Variants in EVC observed in about 807,000 individuals in gnomAD.
EVC encodes the protein EvC ciliary complex subunit 1, also known as evC complex member EVC.
In EVC, 116 loss-of-function variants were observed where a neutral mutation model predicts 118.9. The ratio of observed to expected loss-of-function variants is 0.98; its 90% CI spans 0.84 to 1.14. EVC has a LOEUF of 1.14. Ranked by LOEUF, EVC falls within the 50% of genes most tolerant of loss-of-function variation. EVC has a pLI of 0.00. For synonymous variants in EVC, 619 were observed against 534.7 expected, an observed-to-expected ratio of 1.16 and a Z score of -2.18; for missense variants, 1,401 against 1,246.4, an observed-to-expected ratio of 1.12 and a Z score of -1.87.
Position 5,731,671 on chromosome 4 carries a change from G to T in EVC, c.617+14G>T, listed in dbSNP as rs761982116. 3 of 1,609,644 alleles carry T rather than the reference G, an allele frequency of 1.9e-6. No individual in the cohort carries two copies. Among genetic ancestry groups the T allele is most frequent in the Non-Finnish European group, 1.7e-6 (2 of 1,177,184 alleles). ...GGCCTGCGAGAGGTAAGGAGAGCGG[G>T]CAATGGAGGATGAGGCTTCCAGTCC... On this transcript the variant is annotated intron_variant, in intron 4 of 20. Transcript: ENST00000264956. The surrounding 1 kb of genome is among the most constrained non-coding windows in gnomAD (Gnocchi z 5.6).
At chr4:5,715,782 C>T in intron 1 of EVC, among the ~76,000 whole-genome samples, 1 of 120,848 alleles carries the variant, frequency 8.3e-6, no homozygotes, top group Non-Finnish European at 1.6e-5. Flanking sequence ...CTTGCTCTGT[C>T]ACCCAGGCTG....
Position 5,810,958 on chromosome 4 carries a change from A to G in EVC, c.2900A>G (p.Lys967Arg), listed in dbSNP as rs753263392. 4 of 1,612,250 alleles carry G rather than the reference A, an allele frequency of 2.5e-6. No homozygotes were observed. Among genetic ancestry groups the G allele is most frequent in the Admixed American group, 1.7e-5 (1 of 59,954 alleles). The change falls in exon 21 of 21, where the codon AAA (lysine) becomes AGA (arginine). Residue 967 changes from lysine to arginine, a missense_variant. Physicochemically the swap from Lys to Arg is conservative, Grantham distance 26 (BLOSUM62 2). Coordinates refer to ENST00000264956, the MANE Select transcript of EVC (RefSeq NM_153717.3). ...CCTTTCTTCTCTGTTTTAAGCAGCA[A>G]AAGGCTGAGTCAGCAAGAAAGTGAA... ...GDQTSGSLSS[K>R]RLSQQESEAG...
chr4:5,745,525 G>C (rs1313710434), intron 7 of EVC, among the ~76,000 whole-genome samples, 184 bp downstream of exon 7: 1 of 152,212 alleles, frequency 6.6e-6, no homozygotes, highest in Non-Finnish European at 1.5e-5. Flanking sequence ...AAGCAGCAAA[G>C]ATTCACAAAG....
chr4:5,759,001 T>C (rs750241619), intron 11 of EVC, among the ~76,000 whole-genome samples: 28 of 152,202 alleles, frequency 1.8e-4, no homozygotes, highest in Non-Finnish European at 3.4e-4. Flanking sequence ...AAACTCCCTT[T>C]CTGGGGAGTC....
chr4:5,765,907 A>T (rs1732793847), intron 11 of EVC, among the ~76,000 whole-genome samples: 1 of 143,640 alleles, frequency 7.0e-6, no homozygotes. Context: ...ATTTACATTT[A>T]AAGTTAATAT....
intron 11 of EVC, among the ~76,000 whole-genome samples, chr4:5,781,878 A>G (rs889730416): frequency 6.6e-6 from 1 of 152,106 alleles, no homozygotes; most frequent in Non-Finnish European, 1.5e-5. Context: ...ATGAGATGCC[A>G]TTTATGGGTG....
At chr4:5,736,280 TACACAC>T (rs10556213) in intron 5 of EVC, among the ~76,000 whole-genome samples, 14 of 149,516 alleles carry the variant, frequency 9.4e-5, no homozygotes, top group Middle Eastern at 7.0e-3. Flanking sequence ...TGCATAGAAC[TACACAC>T]ACACACACAC....
intron 17 of EVC, among the ~76,000 whole-genome samples, chr4:5,807,048 T>C (rs1716032583): frequency 6.6e-6 from 1 of 152,084 alleles, no homozygotes; most frequent in Admixed American, 6.5e-5. Flanking sequence ...TCCTTTAAGG[T>C]GTGAGAGAGG....
chr4:5,801,918 C>T (rs1319858794), intron 15 of EVC, 32 bp from the exon 16 acceptor site: 1 of 1,609,902 alleles, frequency 6.2e-7, no homozygotes, highest in African/African-American at 1.3e-5. Context: ...TGTGACTTCT[C>T]TGCTGTCCCT....
chr4:5,821,940 C>G, the EVC span: 4 of 1,167,804 alleles, frequency 3.4e-6, no homozygotes, highest in South Asian at 4.4e-5. This position sits in a 1 kb window ranked among gnomAD's most constrained non-coding sequence, Gnocchi z 4.4. Context: ...GCCATGCACT[C>G]CACTGGACCC....
In EVC at chr4:5,719,257, ACTCAAAATCTGCTCAAGAATTTGGAGT is replaced by A. The variant is rs1560274018; in HGVS notation, c.187_213del (p.Gln63_Ser71del). 20 of 1,614,046 alleles carry A rather than the reference ACTCAAAATCTGCTCAAGAATTTGGAGT, an allele frequency of 1.2e-5. No homozygotes were observed. The Admixed American group carries it at 3.3e-4, about 27-fold the overall frequency. Reference sequence around the variant, plus strand: ...GACCTTCGGGTTTTAGAAAGACGACACTCAAAATCTGCTCAAGAATTTGGAGTCTAATGCGCAGACCCCCTCGGAAAC... The same window carrying A: ...GACCTTCGGGTTTTAGAAAGACGACACTAATGCGCAGACCCCCTCGGAAAC... On this transcript the variant is annotated inframe_deletion, in exon 2 of 21. Coordinates refer to ENST00000264956, the MANE Select transcript of EVC (RefSeq NM_153717.3). This position sits in a 1 kb window ranked among gnomAD's most constrained non-coding sequence, Gnocchi z 4.7.
At chr4:5,806,052 C>G (rs922425660) in intron 17 of EVC, among the ~76,000 whole-genome samples, 1 of 151,712 alleles carries the variant, frequency 6.6e-6, no homozygotes, top group Non-Finnish European at 1.5e-5. Flanking sequence ...TCCCGCCGCC[C>G]TTCTGTGTCT....
At chr4:5,825,341 C>T in the EVC span, 1 of 985,300 alleles carries the variant, frequency 1.0e-6, no homozygotes, top group African/African-American at 1.7e-5. The surrounding 1 kb of genome is among the most constrained non-coding windows in gnomAD (Gnocchi z 4.4). Context: ...CACTCTGCCC[C>T]ACCAGTGAGA....
chr4:5,790,803 T>C (rs966525417), intron 12 of EVC, among the ~76,000 whole-genome samples: 2 of 152,156 alleles, frequency 1.3e-5, no homozygotes, highest in African/African-American at 4.8e-5. Flanking sequence ...ATGAAAATTA[T>C]AGTAATGAGG....
At position 5,713,103 on chromosome 4, in the gene EVC, G is replaced by A. The variant is rs1723307584; in HGVS notation, c.174+1549G>A. 2.0e-5 allele frequency among the ~76,000 whole-genome samples: 3 copies of A among 152,346 alleles called. 1 individual carries two copies. The South Asian group carries it at 6.2e-4, about 32-fold the overall frequency. On this transcript the variant is annotated intron_variant, in intron 1 of 20. Transcript: ENST00000264956. The stretch of plus-strand genomic sequence containing the variant: ...AGTATCCCATTTGCTAGCTGAGTCA[G>A]CTGAGGCTTACCGGGATTAACCAAG...
downstream of EVC, among the ~76,000 whole-genome samples, chr4:5,815,251 C>T (rs1341475604): frequency 2.0e-5 from 3 of 152,178 alleles, no homozygotes; most frequent in African/African-American, 7.2e-5. Flanking sequence ...AGTGTGAGCT[C>T]CATGAGCTTT....
chr4:5,797,762 G>A (rs1313837737), intron 14 of EVC, among the ~76,000 whole-genome samples: 1 of 152,216 alleles, frequency 6.6e-6, no homozygotes, highest in Non-Finnish European at 1.5e-5. Context: ...GGCCACCCAT[G>A]TACCAAAAGT....
chr4:5,741,846 T>C (rs1382239651), intron 6 of EVC, 32 bp downstream of exon 6: 1 of 1,193,818 alleles, frequency 8.4e-7, no homozygotes, highest in East Asian at 2.4e-5. Context: ...CAAGGTAACT[T>C]AAAAATAGTT....
At chr4:5,767,808 C>G (rs1456003533) in intron 11 of EVC, among the ~76,000 whole-genome samples, 1 of 152,176 alleles carries the variant, frequency 6.6e-6, no homozygotes, top group Non-Finnish European at 1.5e-5. Flanking sequence ...GTCTGGCACT[C>G]CCTAGTGAGA....
Sources: allele counts gnomAD v4.1 joint callset (sites outside exome capture counted in the v4.1 genomes callset), GRCh38; gene constraint gnomAD v4.1.1; non-coding constraint Gnocchi (gnomAD v3.1); transcripts MANE v1.5; gene names NCBI Gene and HGNC (gene_info 2026-07-23, HGNC 2026-07-21).